Variants in RGPD1 observed in about 807,000 individuals in gnomAD.
The protein encoded by RGPD1 is RANBP2-like and GRIP domain-containing protein 1.
RGPD1 carries 7 observed loss-of-function variants against 40.6 expected under a neutral mutation model. That is an observed-to-expected ratio of 0.17 (90% CI 0.10 to 0.32). RGPD1 has a LOEUF of 0.32. Ranked by LOEUF, RGPD1 falls within the 10% of genes least tolerant of loss-of-function variation. RGPD1 has a pLI of 1.00. For missense variants in RGPD1, 50 were observed against 472.5 expected, an observed-to-expected ratio of 0.11 and a Z score of 8.29; for synonymous variants, 24 against 167.0, an observed-to-expected ratio of 0.14 and a Z score of 6.60.
chr2:86,914,154 GCGGCGGCCT>G (rs1190181808), intron 1 of RGPD1, among the ~76,000 whole-genome samples: 1 of 88,916 alleles, frequency 1.1e-5, no homozygotes, highest in Non-Finnish European at 2.3e-5. Context: ...GGCGGCGGCG[GCGGCGGCCT>G]CGGCCTCGGC....
Position 86,942,451 on chromosome 2 carries a change from C to T in RGPD1, c.72+143C>T, listed in dbSNP as rs1406200598. 2.2e-5 allele frequency: 15 copies of T among 690,232 alleles called. No homozygotes were observed. The East Asian group carries it at 1.3e-3, about 60-fold the overall frequency. 42.8% of individuals were successfully genotyped at this position (690,232 alleles called of 1,614,324 possible). A position where few individuals can be genotyped will look rare whatever the true frequency, so the allele number is the denominator to read the frequency against. ...TCCCGACGGGCGCTGCTCCCTGGCGCGCTCTGTTGAGGCGCCGGCCTCGAC... is the reference window on the plus strand; with the variant it reads ...TCCCGACGGGCGCTGCTCCCTGGCGTGCTCTGTTGAGGCGCCGGCCTCGAC... On this transcript the variant is annotated intron_variant, in intron 1 of 22. Coordinates refer to ENST00000641458, the MANE Select transcript of RGPD1 (RefSeq NM_001382344.1).
intron 1 of RGPD1, among the ~76,000 whole-genome samples, chr2:86,924,430 C>T (rs1297337075): frequency 6.6e-6 from 1 of 150,972 alleles, no homozygotes; most frequent in African/African-American, 2.4e-5. Context: ...GCTGAGATTA[C>T]AGGTGTGAGC....
rs1275246663 is a variant in RGPD1, at chr2:86,918,585, G to T, written c.72+4664G>T. 2.8e-5 allele frequency among the ~76,000 whole-genome samples: 4 copies of T among 144,790 alleles called. No individual in the cohort carries two copies. In the South Asian group the frequency reaches 6.8e-4, roughly 25 times the overall value. The allele number at this position is 144,790 out of a possible 152,430, so 95.0% of individuals were successfully genotyped here. A position where few individuals can be genotyped will look rare whatever the true frequency, so the allele number is the denominator to read the frequency against. ...TGCCATTTTCCTGCCTCAGCCTCCC[G>T]AGTAGCCGGGACTACAGGCGCCCGC... On this transcript the variant is annotated intron_variant, in intron 1 of 22. Transcript: ENST00000398193.
At chr2:86,913,857 G>C (rs751894050) in exon 1 of RGPD1, 1 of 1,578,806 alleles carries the variant, frequency 6.3e-7, no homozygotes, top group South Asian at 1.1e-5. Flanking sequence ...GCGATGAGGC[G>C]CAGCAAGGCC....
At chr2:86,923,301 A>G (rs62148264) in intron 1 of RGPD1, among the ~76,000 whole-genome samples, 10 of 151,684 alleles carry the variant, frequency 6.6e-5, no homozygotes, top group Non-Finnish European at 1.3e-4. Flanking sequence ...TGGTGTCCCA[A>G]AGTGCTGGGA....
chr2:86,944,926 C>T (rs577378982), intron 1 of RGPD1, among the ~76,000 whole-genome samples: 10 of 152,016 alleles, frequency 6.6e-5, no homozygotes, highest in African/African-American at 1.9e-4. Context: ...ACCATGTTAC[C>T]CAGGCTGGTC....
intron 1 of RGPD1, among the ~76,000 whole-genome samples, chr2:86,945,328 T>G (rs1464179078): frequency 6.6e-6 from 1 of 151,996 alleles, no homozygotes; most frequent in Non-Finnish European, 1.5e-5. Context: ...CTTTGGAACA[T>G]GTGAAGCTAT....
upstream of RGPD1, among the ~76,000 whole-genome samples, chr2:86,939,830 C>T (rs1449281532): frequency 1.3e-5 from 1 of 77,956 alleles, no homozygotes; most frequent in African/African-American, 5.9e-5. Flanking sequence ...CAACACCTAG[C>T]CTCAAGAGAT....
chr2:86,942,316 G>C lies in RGPD1; in HGVS notation c.72+8G>C. ...GCCCCGTCGCCTGGAAAGGTGAGTG[G>C]ATCTCGAAGAGACCGACGGCCTCGA... On this transcript the variant is annotated splice_region_variant and intron_variant, in intron 1 of 22. Transcript: ENST00000641458. 1 of 1,554,254 alleles carries C rather than the reference G, an allele frequency of 6.4e-7. No homozygotes were observed. Among genetic ancestry groups the C allele is most frequent in the Admixed American group, 1.9e-5 (1 of 53,794 alleles).
chr2:86,923,535 A>G (rs565573460), intron 1 of RGPD1, among the ~76,000 whole-genome samples: 3 of 150,210 alleles, frequency 2.0e-5, no homozygotes, highest in South Asian at 4.2e-4. Context: ...TTTTTTTGAG[A>G]CGGAGTCTCG....
intron 1 of RGPD1, among the ~76,000 whole-genome samples, chr2:86,933,095 CTG>C (rs1679093410): frequency 6.8e-6 from 1 of 146,904 alleles, no homozygotes; most frequent in Non-Finnish European, 1.5e-5. Flanking sequence ...TTATATGTGT[CTG>C]TGTTTATATA....
chr2:86,949,772 T>G (rs1680522793), intron 1 of RGPD1, among the ~76,000 whole-genome samples: 1 of 43,290 alleles, frequency 2.3e-5, no homozygotes, highest in African/African-American at 8.3e-5. Flanking sequence ...GCTTTTTTTT[T>G]TTTTTTTTTT....
At position 87,013,606 on chromosome 2, in the gene RGPD1, C is replaced by T. The variant is rs960855740; in HGVS notation, c.*1059C>T. 1 of 34,266 alleles carries T rather than the reference C, an allele frequency of 2.9e-5. No individual in the cohort carries two copies. Among genetic ancestry groups the T allele is most frequent in the African/African-American group, 1.6e-4 (1 of 6,276 alleles). The allele number at this position is 34,266 out of a possible 1,614,324, so 2.1% of individuals were successfully genotyped here. A position where few individuals can be genotyped will look rare whatever the true frequency, so the allele number is the denominator to read the frequency against. ...TCCAACCCACTTCTATTTCTTCAGG[C>T]TCCCAGTGATATGAAAAAGTGCCAA... On this transcript the variant is annotated 3_prime_UTR_variant, in exon 23 of 23. Coordinates refer to ENST00000641458, the MANE Select transcript of RGPD1 (RefSeq NM_001382344.1).
At position 86,942,328 on chromosome 2, in the gene RGPD1, A is replaced by C; in HGVS notation, c.72+20A>C. 1.3e-6 allele frequency: 2 copies of C among 1,501,790 alleles called. No individual in the cohort carries two copies. The highest frequency in any genetic ancestry group is 5.3e-5 in the East Asian group (2 of 37,538). 93.0% of individuals were successfully genotyped at this position (1,501,790 alleles called of 1,614,324 possible). ...GGAAAGGTGAGTGGATCTCGAAGAG[A>C]CCGACGGCCTCGACCTGGCCGGGCG... is the stretch of plus-strand genomic sequence containing the variant. On this transcript the variant is annotated intron_variant, in intron 1 of 22. Coordinates refer to ENST00000641458, the MANE Select transcript of RGPD1 (RefSeq NM_001382344.1).
intron 1 of RGPD1, among the ~76,000 whole-genome samples, chr2:86,928,471 C>T (rs920004331): frequency 2.2e-4 from 33 of 152,014 alleles, no homozygotes; most frequent in African/African-American, 7.0e-4. Context: ...GGACAGGATC[C>T]TCTATGGTAT....
chr2:86,944,215 T>C (rs1680158047), intron 1 of RGPD1, among the ~76,000 whole-genome samples: 1 of 152,146 alleles, frequency 6.6e-6, no homozygotes, highest in South Asian at 2.1e-4. Context: ...GCAGTGGGTC[T>C]GATTTAGTTT....
chr2:86,914,099 G>T (rs1368766403), intron 1 of RGPD1, among the ~76,000 whole-genome samples: 1 of 108,336 alleles, frequency 9.2e-6, no homozygotes, highest in African/African-American at 3.9e-5. Flanking sequence ...GGCGGCGGCG[G>T]CGGCGGCGGC....
intron 1 of RGPD1, among the ~76,000 whole-genome samples, chr2:86,916,497 GT>G (rs1272609974): frequency 1.9e-5 from 1 of 51,970 alleles, no homozygotes; most frequent in African/African-American, 6.7e-5. Flanking sequence ...GAAGTTGTAT[GT>G]TTTTCATAGT....
chr2:87,007,313 GC>G (rs2104862880), intron 22 of RGPD1, among the ~76,000 whole-genome samples: 1 of 143,856 alleles, frequency 7.0e-6, no homozygotes, highest in East Asian at 2.1e-4. Flanking sequence ...CGATTCTCCT[GC>G]CTCAGCCTCC....
Sources: gnomAD v4.1 joint callset for allele counts (sites outside exome capture counted in the v4.1 genomes callset) on GRCh38, gnomAD v4.1.1 for gene constraint, MANE v1.5 for transcripts, NCBI Gene and HGNC (gene_info 2026-07-23, HGNC 2026-07-21) for gene names.